Variants in PLCXD2 observed in about 807,000 individuals in gnomAD.
The protein encoded by PLCXD2 is PI-PLC X domain-containing protein 2.
Under a neutral mutation model 28.6 loss-of-function variants are expected in PLCXD2, and 21 were observed. That is an observed-to-expected ratio of 0.73 (90% CI 0.52 to 1.06). The LOEUF is 1.06. PLCXD2 is among the 50% of genes least tolerant of loss of function. The probability of loss-of-function intolerance (pLI) is 0.00; values close to 1 mark genes in which losing one functional copy is unlikely to be tolerated. For missense variants in PLCXD2, 369 were observed against 376.7 expected (o/e 0.98, Z 0.17); for synonymous variants, 140 against 150.1 (o/e 0.93, Z 0.49).
At chr3:111,719,664 C>T (rs1177979109) in intron 3 of PLCXD2, among the ~76,000 whole-genome samples, 1 of 152,020 alleles carries the variant, frequency 6.6e-6, no homozygotes, top group Non-Finnish European at 1.5e-5. Flanking sequence ...TTTTTCATGG[C>T]TTATATGAAG....
chr3:111,715,991 T>C (rs1440961797), intron 3 of PLCXD2, among the ~76,000 whole-genome samples: 1 of 152,254 alleles, frequency 6.6e-6, no homozygotes, highest in East Asian at 1.9e-4. Flanking sequence ...GGCTCTTTCC[T>C]TTATGATGAG....
chr3:111,685,124 G>A (rs1394408352), intron 1 of PLCXD2, among the ~76,000 whole-genome samples: 1 of 152,024 alleles, frequency 6.6e-6, no homozygotes, highest in African/African-American at 2.4e-5. Flanking sequence ...CAGTGGAGAT[G>A]GTTTCAGAGC....
At chr3:111,709,018 A>G (rs966338374) in intron 2 of PLCXD2, among the ~76,000 whole-genome samples, 1 of 149,060 alleles carries the variant, frequency 6.7e-6, no homozygotes, top group Non-Finnish European at 1.5e-5. Context: ...GGCCTCAGAT[A>G]TATTCCACTC....
At chr3:111,684,622 C>T (rs1940766359) in intron 1 of PLCXD2, among the ~76,000 whole-genome samples, 1 of 151,722 alleles carries the variant, frequency 6.6e-6, no homozygotes, top group Non-Finnish European at 1.5e-5. Flanking sequence ...CCATTGCACT[C>T]CAGCCTGGGC....
intron 3 of PLCXD2, chr3:111,726,848 C>T (rs1343881056): frequency 2.0e-5 from 3 of 152,078 alleles, no homozygotes; most frequent in African/African-American, 4.8e-5. Context: ...ATTTGAACTA[C>T]CTAAATAGGC....
chr3:111,702,858 C>T (rs4640528), intron 1 of PLCXD2, among the ~76,000 whole-genome samples: 25,762 of 152,088 alleles, frequency 0.17, 4,541 homozygotes, highest in African/African-American at 0.45. Context: ...AATAAGGGAA[C>T]AAACTTTGAT....
In PLCXD2 at chr3:111,675,115, C is replaced by A; in HGVS notation, c.-131C>A. 2 of 1,111,906 alleles carry A rather than the reference C, an allele frequency of 1.8e-6. No homozygotes were observed. Among genetic ancestry groups the A allele is most frequent in the East Asian group, 2.4e-5 (1 of 41,784 alleles). 68.9% of individuals were successfully genotyped at this position (1,111,906 alleles called of 1,614,324 possible). A position where few individuals can be genotyped will look rare whatever the true frequency, so the allele number is the denominator to read the frequency against. On this transcript the variant is annotated 5_prime_UTR_variant, in exon 1 of 5. Transcript: ENST00000477665. Reference sequence around the variant, plus strand: ...AAGGATCCATCTGTTTGCCCCGTCCCCCAGCCAGAAAGGCATTTTGGAAAG... The same window carrying A: ...AAGGATCCATCTGTTTGCCCCGTCCACCAGCCAGAAAGGCATTTTGGAAAG...
At chr3:111,688,462 G>A (rs149981183) in intron 1 of PLCXD2, among the ~76,000 whole-genome samples, 9 of 152,304 alleles carry the variant, frequency 5.9e-5, no homozygotes, top group East Asian at 1.9e-4. Flanking sequence ...ATGTGTGACA[G>A]TACCACACAA....
chr3:111,711,982 G>C (rs1363967633), intron 2 of PLCXD2, among the ~76,000 whole-genome samples: 1 of 152,140 alleles, frequency 6.6e-6, no homozygotes, highest in Non-Finnish European at 1.5e-5. Flanking sequence ...GAGAAAAACT[G>C]AACATGAACC....
chr3:111,699,909 A>G (rs1443199254), intron 1 of PLCXD2, among the ~76,000 whole-genome samples: 1 of 152,200 alleles, frequency 6.6e-6, no homozygotes, highest in Admixed American at 6.5e-5. Flanking sequence ...GCATCTACCA[A>G]TACATGGGAA....
At chr3:111,711,000 G>A (rs1486569542) in intron 2 of PLCXD2, among the ~76,000 whole-genome samples, 2 of 152,216 alleles carry the variant, frequency 1.3e-5, no homozygotes, top group African/African-American at 4.8e-5. Flanking sequence ...CTAAAGTTAT[G>A]AAGGAAAGAG....
At chr3:111,715,079 AG>A (rs1202083157) in intron 3 of PLCXD2, among the ~76,000 whole-genome samples, 1 of 152,154 alleles carries the variant, frequency 6.6e-6, no homozygotes, top group East Asian at 1.9e-4. Flanking sequence ...TTCACCTAGC[AG>A]GAGTTTAGAC....
chr3:111,691,382 G>A (rs1397614719), intron 1 of PLCXD2: 1 of 152,222 alleles, frequency 6.6e-6, no homozygotes, highest in African/African-American at 2.4e-5. Flanking sequence ...AGAATTCCAA[G>A]TACAAGTTTG....
intron 2 of PLCXD2, among the ~76,000 whole-genome samples, chr3:111,710,334 T>G (rs900875268): frequency 1.3e-5 from 2 of 152,252 alleles, no homozygotes; most frequent in East Asian, 3.8e-4. Context: ...CCAGTGGCAT[T>G]TCTCTTTTAC....
At chr3:111,679,596 T>C (rs909997663) in intron 1 of PLCXD2, among the ~76,000 whole-genome samples, 2 of 152,216 alleles carry the variant, frequency 1.3e-5, no homozygotes, top group East Asian at 1.9e-4. Flanking sequence ...CCGCTGTTTT[T>C]CATTGTGATC....
intron 3 of PLCXD2, chr3:111,726,832 T>C (rs994037463): frequency 1.9e-4 from 29 of 152,208 alleles, no homozygotes; most frequent in African/African-American, 7.0e-4. Context: ...TGTTCTCTTG[T>C]ATTTGATTTG....
intron 3 of PLCXD2, chr3:111,725,309 C>T: frequency 7.5e-6 from 2 of 266,222 alleles, no homozygotes; most frequent in Non-Finnish European, 1.4e-5. Context: ...CACTAATGTT[C>T]CAGGATATCT....
At chr3:111,720,046 G>T (rs1315604987) in intron 3 of PLCXD2, among the ~76,000 whole-genome samples, 1 of 152,118 alleles carries the variant, frequency 6.6e-6, no homozygotes, top group Admixed American at 6.5e-5. Flanking sequence ...ACAGATTGAT[G>T]GATAGATATG....
chr3:111,680,999 G>A (rs1380961998), intron 1 of PLCXD2, among the ~76,000 whole-genome samples: 2 of 152,040 alleles, frequency 1.3e-5, no homozygotes, highest in Non-Finnish European at 2.9e-5. Context: ...GCCTGTGACT[G>A]GAATGGACAA....
Sources: gnomAD v4.1 joint callset for allele counts (sites outside exome capture counted in the v4.1 genomes callset) on GRCh38, gnomAD v4.1.1 for gene constraint, MANE v1.5 for transcripts, NCBI Gene and HGNC (gene_info 2026-07-23, HGNC 2026-07-21) for gene names.